RNGTT: variants seen among roughly 807,000 people sequenced by gnomAD.
The protein encoded by RNGTT is RNA guanylyltransferase and 5'-phosphatase, also known as mRNA-capping enzyme.
RNGTT carries 33 observed loss-of-function variants against 79.3 expected under a neutral mutation model. That is an observed-to-expected ratio of 0.42 (90% confidence interval 0.32 to 0.56). RNGTT has a LOEUF of 0.56. RNGTT is among the 20% of genes least tolerant of loss of function. The pLI, the probability that RNGTT is intolerant of heterozygous loss-of-function variation, is 0.17. For missense variants in RNGTT, 497 were observed against 739.1 expected, an observed-to-expected ratio of 0.67 and a Z score of 3.80; for synonymous variants, 222 against 235.9, an observed-to-expected ratio of 0.94 and a Z score of 0.54.
chr6:88,797,927 G>A (rs1779651179), intron 12 of RNGTT, among the ~76,000 whole-genome samples: 1 of 120,392 alleles, frequency 8.3e-6, no homozygotes, highest in African/African-American at 3.3e-5. Context: ...GTGTAGAACT[G>A]TAGAAGCAAA....
chr6:88,850,086 T>A (rs1781621737), intron 9 of RNGTT, among the ~76,000 whole-genome samples: 1 of 151,964 alleles, frequency 6.6e-6, no homozygotes, highest in Non-Finnish European at 1.5e-5. Flanking sequence ...CCATGCTACA[T>A]TTTGCTTTAT....
chr6:88,935,916 CTT>C, intron 2 of RNGTT, among the ~76,000 whole-genome samples: 1 of 152,146 alleles, frequency 6.6e-6, no homozygotes, highest in Middle Eastern at 3.4e-3. Flanking sequence ...ATGTTGATTT[CTT>C]TTTTTGTGTA....
At chr6:88,836,023 C>CACAT (rs1554222128) in intron 11 of RNGTT, among the ~76,000 whole-genome samples, 102 of 92,048 alleles carry the variant, frequency 1.1e-3, no homozygotes, top group African/African-American at 2.6e-3. Flanking sequence ...CACACACACA[C>CACAT]ATATATATAT....
At chr6:88,936,945 C>A (rs549289035) in intron 2 of RNGTT, among the ~76,000 whole-genome samples, 1 of 152,138 alleles carries the variant, frequency 6.6e-6, no homozygotes, top group South Asian at 2.1e-4. Flanking sequence ...TATTGGTCTG[C>A]TCAGCTTTTC....
chr6:88,833,409 A>G (rs562838020), intron 11 of RNGTT, among the ~76,000 whole-genome samples: 27 of 152,038 alleles, frequency 1.8e-4, no homozygotes, highest in South Asian at 8.3e-4. Flanking sequence ...AACATCACAC[A>G]TGGGGTCCTG....
In RNGTT at chr6:88,813,475, G is replaced by A. The variant is rs186191283; in HGVS notation, c.1270-11843C>T. 9.1e-4 allele frequency among the ~76,000 whole-genome samples: 138 copies of A among 152,178 alleles called. 1 individual carries two copies. In the Middle Eastern group the frequency reaches 0.017, roughly 19 times the overall value. The stretch of plus-strand genomic sequence containing the variant: ...CTGGACTCCTTTCCTCTTGTTAGTC[G>A]ACTTGCAATAAAAAGCTTTTATTTT... On this transcript the variant is annotated intron_variant, in intron 11 of 15. Coordinates refer to ENST00000369485, the MANE Select transcript of RNGTT (RefSeq NM_003800.5).
intron 12 of RNGTT, among the ~76,000 whole-genome samples, chr6:88,799,781 A>G (rs1779725523): frequency 6.6e-6 from 1 of 151,994 alleles, no homozygotes; most frequent in Non-Finnish European, 1.5e-5. Flanking sequence ...TAGACATCCA[A>G]GAAAGAGACT....
At chr6:88,806,520 T>G (rs187902275) in intron 11 of RNGTT, among the ~76,000 whole-genome samples, 12 of 152,066 alleles carry the variant, frequency 7.9e-5, no homozygotes, top group African/African-American at 2.7e-4. Context: ...TTTCACCATG[T>G]TAGCCAGGAT....
At chr6:88,928,844 C>T (rs186053256) in intron 4 of RNGTT, 141 bp downstream of exon 4, 13 of 583,950 alleles carry the variant, frequency 2.2e-5, no homozygotes, top group Non-Finnish European at 3.6e-5. Context: ...ATTCACAAGT[C>T]AATCTCTCAT....
At chr6:88,918,215 C>T (rs1221576447) in intron 4 of RNGTT, among the ~76,000 whole-genome samples, 1 of 151,900 alleles carries the variant, frequency 6.6e-6, no homozygotes, top group African/African-American at 2.4e-5. Flanking sequence ...ACCAGCTACT[C>T]GGGAGGTTGA....
chr6:88,929,216 G>A lies in RNGTT; in HGVS notation c.226C>T (p.Arg76Ter), dbSNP rs749388543. 6 of 1,606,472 alleles carry A rather than the reference G, an allele frequency of 3.7e-6. No homozygotes were observed. Among genetic ancestry groups the A allele is most frequent in the Non-Finnish European group, 5.1e-6 (6 of 1,176,778 alleles). The change falls in exon 3 of 16, where the codon CGA becomes TGA. Residue 76 changes from arginine (R) to a stop codon, truncating the protein, a stop_gained. Coordinates refer to ENST00000369485, the MANE Select transcript of RNGTT (RefSeq NM_003800.5). LOFTEE classifies it high-confidence loss of function. ...ATTCCTTCTTTTTCTATGTCATTTC[G>A]GTCATAGAACCTTGAAGTATTTGTC... ...DLTNTSRFYD[R>*]NDIEKEGIKY... is the part of the protein sequence containing the mutation.
chr6:88,781,937 T>A (rs1779078394), intron 12 of RNGTT, among the ~76,000 whole-genome samples: 1 of 152,046 alleles, frequency 6.6e-6, no homozygotes, highest in African/African-American at 2.4e-5. Flanking sequence ...TTATCCCTAT[T>A]ATCAACAGGC....
chr6:88,685,802 T>G (rs1158895928), intron 13 of RNGTT, among the ~76,000 whole-genome samples: 1 of 152,018 alleles, frequency 6.6e-6, no homozygotes, highest in Non-Finnish European at 1.5e-5. Flanking sequence ...CAATTTTATC[T>G]AAATGATCTA....
intron 13 of RNGTT, among the ~76,000 whole-genome samples, chr6:88,765,129 TTGCAGTGAGC>T (rs1264162254): frequency 6.6e-6 from 1 of 151,206 alleles, no homozygotes; most frequent in East Asian, 1.9e-4. Flanking sequence ...GAGGCAGAGC[TTGCAGTGAGC>T]TGAGATCCCA....
In RNGTT at chr6:88,614,403, G is replaced by A; in HGVS notation, c.1507-8C>T. On this transcript the variant is annotated splice_polypyrimidine_tract_variant and splice_region_variant and intron_variant, in intron 14 of 15. Transcript: ENST00000369485. The stretch of plus-strand genomic sequence containing the variant: ...TTTCAGCTCTTTTGTCACCTGTTTT[G>A]AAAGAGAATTGAGGAAAATATTTAA... The A allele has an allele frequency of 6.2e-7, 1 of 1,612,506 alleles. No individual in the cohort carries two copies. The highest frequency in any genetic ancestry group is 1.1e-5 in the South Asian group (1 of 90,926).
At chr6:88,793,579 G>T (rs923318374) in intron 12 of RNGTT, among the ~76,000 whole-genome samples, 1 of 152,184 alleles carries the variant, frequency 6.6e-6, no homozygotes, top group Non-Finnish European at 1.5e-5. Context: ...AATGATGGTA[G>T]GATGGCCAGG....
At chr6:88,925,486 G>A (rs1273489380) in intron 4 of RNGTT, among the ~76,000 whole-genome samples, 1 of 151,642 alleles carries the variant, frequency 6.6e-6, no homozygotes, top group Non-Finnish European at 1.5e-5. Flanking sequence ...CCAGCTACTC[G>A]GGAGGCTGAG....
At chr6:88,849,714 T>C (rs763132135) in intron 10 of RNGTT, 41 bp downstream of exon 10, 5 of 1,464,520 alleles carry the variant, frequency 3.4e-6, no homozygotes, top group Non-Finnish European at 4.6e-6. Flanking sequence ...ACATTCATTA[T>C]TTCAGTAATA....
intron 8 of RNGTT, among the ~76,000 whole-genome samples, chr6:88,876,641 A>G (rs1224598421): frequency 6.6e-6 from 1 of 152,256 alleles, no homozygotes; most frequent in Non-Finnish European, 1.5e-5. Context: ...GAATGAACAA[A>G]GAGACAAATT....
Sources: allele counts gnomAD v4.1 joint callset (sites outside exome capture counted in the v4.1 genomes callset), GRCh38; gene constraint gnomAD v4.1.1; transcripts MANE v1.5; gene names NCBI Gene and HGNC (gene_info 2026-07-23, HGNC 2026-07-21).